The following TEKT1 variants were observed in gnomAD, a reference collection of about 807,000 sequenced individuals.
The protein encoded by TEKT1 is tektin 1, also known as tektin-1.
TEKT1 carries 32 observed loss-of-function variants against 34.8 expected under a neutral mutation model. The observed-to-expected ratio is 0.92, with a 90% CI of 0.69 to 1.23. TEKT1 has a LOEUF of 1.23. Ranked by LOEUF, TEKT1 falls within the 50% of genes most tolerant of loss-of-function variation. The probability of loss-of-function intolerance (pLI) is 0.00; values close to 1 mark genes in which losing one functional copy is unlikely to be tolerated. For missense variants in TEKT1, 492 were observed against 518.5 expected, an observed-to-expected ratio of 0.95 and a Z score of 0.50; for synonymous variants, 207 against 199.8, an observed-to-expected ratio of 1.04 and a Z score of -0.30.
intron 2 of TEKT1, among the ~76,000 whole-genome samples, chr17:6,820,966 ACT>A (rs926532551): frequency 6.6e-6 from 1 of 151,430 alleles, no homozygotes; most frequent in African/African-American, 2.4e-5. Context: ...ACAGTTTGTA[ACT>A]CTTTTTTATT....
Position 6,800,205 on chromosome 17 carries a change from G to A in TEKT1, c.1079C>T (p.Ala360Val), listed in dbSNP as rs756873550. 20 of 1,614,008 alleles carry A rather than the reference G, an allele frequency of 1.2e-5. No individual in the cohort carries two copies. The highest frequency in any genetic ancestry group is 1.7e-5 in the Non-Finnish European group (20 of 1,180,038). The change falls in exon 8 of 8, where the codon GCA (alanine) becomes GTA (valine). Residue 360 changes from alanine (A) to valine (V), a missense_variant. Physicochemically the swap from Ala to Val is moderately conservative, Grantham distance 64. Coordinates refer to ENST00000338694, the MANE Select transcript of TEKT1 (RefSeq NM_053285.2). ...RLKETLAQAQ[A>V]ELKGLHRRQL... Reference sequence around the variant, plus strand: ...TCTGCGATGCAGCCCTTTCAGCTCTGCCTGAGCTTGGGCTAAAGTTTCCTT... The same window carrying A: ...TCTGCGATGCAGCCCTTTCAGCTCTACCTGAGCTTGGGCTAAAGTTTCCTT...
chr17:6,812,350 G>A (rs184801506), intron 6 of TEKT1, among the ~76,000 whole-genome samples: 6 of 152,164 alleles, frequency 3.9e-5, no homozygotes, highest in East Asian at 3.9e-4. Context: ...GTTTACCAGC[G>A]CAACACTGTA....
intron 6 of TEKT1, among the ~76,000 whole-genome samples, chr17:6,806,905 T>C (rs1442272587): frequency 2.0e-5 from 3 of 152,220 alleles, no homozygotes; most frequent in Non-Finnish European, 4.4e-5. Context: ...TTAACATTTT[T>C]TCCTTCATTT....
At position 6,799,418 on chromosome 17, in the gene TEKT1, T is replaced by C. The variant is rs1025432934; in HGVS notation, c.*609A>G. 5.3e-5 allele frequency: 8 copies of C among 152,184 alleles called. No individual in the cohort carries two copies. The highest frequency in any genetic ancestry group is 1.7e-4 in the African/African-American group (7 of 41,426). 9.4% of individuals were successfully genotyped at this position (152,184 alleles called of 1,614,324 possible). A position where few individuals can be genotyped will look rare whatever the true frequency, so the allele number is the denominator to read the frequency against. Reference sequence around the variant, plus strand: ...CATTCATTAAACACTCACTGCCCCATGATACAGGCTCAGTATGAAGCCCTT... The same window carrying C: ...CATTCATTAAACACTCACTGCCCCACGATACAGGCTCAGTATGAAGCCCTT... On this transcript the variant is annotated 3_prime_UTR_variant, in exon 8 of 8. Transcript: ENST00000338694.
intron 2 of TEKT1, among the ~76,000 whole-genome samples, chr17:6,827,836 G>A (rs1388859206): frequency 6.6e-6 from 1 of 151,948 alleles, no homozygotes; most frequent in Non-Finnish European, 1.5e-5. Context: ...CATATTTGAT[G>A]CTTTTAATGC....
intron 4 of TEKT1, 74 bp downstream of exon 4, chr17:6,815,760 G>T: frequency 6.3e-7 from 1 of 1,590,216 alleles, no homozygotes; most frequent in Non-Finnish European, 8.6e-7. Context: ...GTGCCATGGA[G>T]CCCAGCTTTT....
At position 6,819,365 on chromosome 17, in the gene TEKT1, C is replaced by T; in HGVS notation, c.191-7G>A. The T allele has an allele frequency of 1.9e-6, 3 of 1,609,648 alleles. No individual in the cohort carries two copies. Among genetic ancestry groups the T allele is most frequent in the Non-Finnish European group, 2.5e-6 (3 of 1,178,004 alleles). ...ACTTCCTCGAGTCTCTGTTCTGAAGCACACGGGGAAGTTACACCAGGGCTA... is the reference window on the plus strand; with the variant it reads ...ACTTCCTCGAGTCTCTGTTCTGAAGTACACGGGGAAGTTACACCAGGGCTA... On this transcript the variant is annotated splice_region_variant and splice_polypyrimidine_tract_variant and intron_variant, in intron 2 of 7. Coordinates refer to ENST00000338694, the MANE Select transcript of TEKT1 (RefSeq NM_053285.2).
At chr17:6,819,461 C>G in intron 2 of TEKT1, 103 bp from the exon 3 acceptor site, 4 of 1,216,854 alleles carry the variant, frequency 3.3e-6, no homozygotes, top group Non-Finnish European at 4.5e-6. Context: ...GTGACATGCT[C>G]TTTTCCTCTT....
chr17:6,809,523 C>T (rs532071758), intron 6 of TEKT1, among the ~76,000 whole-genome samples: 169 of 152,306 alleles, frequency 1.1e-3, no homozygotes, highest in African/African-American at 3.8e-3. Context: ...TGAGCCACCG[C>T]GCCCAGCCGA....
chr17:6,815,378 CT>C, intron 4 of TEKT1, 72 bp from the exon 5 acceptor site: 2 of 1,591,356 alleles, frequency 1.3e-6, no homozygotes, highest in South Asian at 2.2e-5. Context: ...CAGAGAGGTC[CT>C]GGAAAGTGAA....
chr17:6,800,184 C>T lies in TEKT1; in HGVS notation c.1100G>A (p.Arg367His), dbSNP rs1221251767. ...QAQAELKGLH[R>H]RQLALQEEIQ... ...CTCCTCCTGCAGGGCAAGCTGTCTG[C>T]GATGCAGCCCTTTCAGCTCTGCCTG... is the stretch of plus-strand genomic sequence containing the variant. The change falls in exon 8 of 8, where the codon CGC (arginine) becomes CAC (histidine). Residue 367 changes from arginine (R) to histidine (H), a missense_variant. Transcript: ENST00000338694. 15 of 1,614,134 alleles carry T rather than the reference C, an allele frequency of 9.3e-6. No individual in the cohort carries two copies. The highest frequency in any genetic ancestry group is 2.2e-5 in the South Asian group (2 of 91,084).
chr17:6,800,939 A>G lies in TEKT1; in HGVS notation c.857T>C (p.Met286Thr). The change falls in exon 7 of 8, where the codon ATG becomes ACG. Residue 286 changes from methionine (M) to threonine (T), a missense_variant. By Grantham distance (81) the Met-to-Thr change is moderately conservative (BLOSUM62 -1). Transcript: ENST00000338694. ...TTTCTCCTGGGAAGCAATCTCTTCC[A>G]TGACCTTACAAAAAGGATTAGAGTA... ...DKLADHLAKV[M>T]EEIASQEKNI... 2 of 1,612,370 alleles carry G rather than the reference A, an allele frequency of 1.2e-6. No individual in the cohort carries two copies. The highest frequency in any genetic ancestry group is 1.7e-6 in the Non-Finnish European group (2 of 1,179,056).
At chr17:6,813,106 G>A (rs1442280420) in intron 5 of TEKT1, 53 bp from the exon 6 acceptor site, 2 of 1,501,906 alleles carry the variant, frequency 1.3e-6, no homozygotes, top group African/African-American at 1.4e-5. Flanking sequence ...GGGGAAGGGG[G>A]TTGGGAGAGA....
chr17:6,825,498 GA>G (rs1904369620), intron 2 of TEKT1, among the ~76,000 whole-genome samples: 4 of 152,028 alleles, frequency 2.6e-5, no homozygotes, highest in Non-Finnish European at 4.4e-5. Flanking sequence ...ACTTTTTATT[GA>G]AATATCAAAA....
chr17:6,828,241 G>A (rs1029805939), intron 2 of TEKT1, among the ~76,000 whole-genome samples: 1 of 152,142 alleles, frequency 6.6e-6, no homozygotes, highest in Non-Finnish European at 1.5e-5. Context: ...ACCATGCCCG[G>A]GCGCCTTCTC....
chr17:6,829,467 C>CTCTT (rs536755753), intron 2 of TEKT1, among the ~76,000 whole-genome samples: 1,610 of 151,082 alleles, frequency 0.011, 92 homozygotes, highest in Admixed American at 0.098. Flanking sequence ...TCTTTTCTTT[C>CTCTT]TCTTTCTTTC....
At chr17:6,823,105 A>C (rs554197942) in intron 2 of TEKT1, among the ~76,000 whole-genome samples, 33 of 152,358 alleles carry the variant, frequency 2.2e-4, no homozygotes, top group African/African-American at 7.9e-4. Flanking sequence ...GAAATGAATG[A>C]ATCACCAAGT....
intron 2 of TEKT1, among the ~76,000 whole-genome samples, chr17:6,827,121 C>G (rs1904430999): frequency 6.6e-6 from 1 of 152,168 alleles, no homozygotes; most frequent in Non-Finnish European, 1.5e-5. Context: ...TGTTTCTGGA[C>G]TCTGCCATGT....
rs1976726195 is a variant in TEKT1, at chr17:6,798,647, G to C, written c.*1380C>G. 1 of 152,174 alleles carries C rather than the reference G, an allele frequency of 6.6e-6. No individual in the cohort carries two copies. The highest frequency in any genetic ancestry group is 2.1e-4 in the South Asian group (1 of 4,826). The allele number at this position is 152,174 out of a possible 1,614,324, so 9.4% of individuals were successfully genotyped here. On this transcript the variant is annotated 3_prime_UTR_variant, in exon 8 of 8. Transcript: ENST00000338694. ...TAAGCCAGTGCTTTTGGCCTCAAAG[G>C]GGGTTTCTCCATCCCAGATTGGGAA...
Sources: allele counts gnomAD v4.1 joint callset (sites outside exome capture counted in the v4.1 genomes callset), GRCh38; gene constraint gnomAD v4.1.1; transcripts MANE v1.5; gene names NCBI Gene and HGNC (gene_info 2026-07-23, HGNC 2026-07-21).